PDIA5: variants seen among roughly 807,000 people sequenced by gnomAD.
PDIA5 encodes the protein protein disulfide isomerase family A member 5.
A neutral mutation model predicts 77.6 loss-of-function variants in PDIA5; 58 were observed. The ratio of observed to expected loss-of-function variants is 0.75; its 90% CI spans 0.61 to 0.93. The LOEUF (loss-of-function observed/expected upper bound fraction) is 0.93. Among genes scored for constraint, PDIA5 ranks in the 40% least tolerant of loss-of-function variants. The pLI, the probability that PDIA5 is intolerant of heterozygous loss-of-function variation, is 0.00. For missense variants in PDIA5, 630 were observed against 647.7 expected (o/e 0.97, Z 0.30); for synonymous variants, 250 against 252.1 (o/e 0.99, Z 0.08).
chr3:123,151,959 GCCTGCCTTCCTT>G (rs1351350875), intron 14 of PDIA5, among the ~76,000 whole-genome samples: 35 of 125,710 alleles, frequency 2.8e-4, no homozygotes, highest in Non-Finnish European at 4.2e-4. Flanking sequence ...CTTCCTTCCT[GCCTGCCTTCCTT>G]CCTGCCTTCC....
intron 2 of PDIA5, among the ~76,000 whole-genome samples, chr3:123,091,292 G>C (rs1934275958): frequency 6.6e-6 from 1 of 152,170 alleles, no homozygotes; most frequent in Non-Finnish European, 1.5e-5. Flanking sequence ...CACTAGAAAA[G>C]GCGATCTGCG....
chr3:123,067,274 T>C, intron 1 of PDIA5, 68 bp downstream of exon 1: 2 of 1,181,186 alleles, frequency 1.7e-6, no homozygotes, highest in Admixed American at 4.2e-5. Flanking sequence ...CTGCGCTCTC[T>C]GCTCCAGCCC....
intron 11 of PDIA5, among the ~76,000 whole-genome samples, chr3:123,142,720 G>A (rs80150198): frequency 2.0e-5 from 3 of 152,178 alleles, no homozygotes; most frequent in Non-Finnish European, 2.9e-5. Flanking sequence ...CCTCTGGGGG[G>A]GCCGAGCTCA....
intron 1 of PDIA5, among the ~76,000 whole-genome samples, chr3:123,076,906 A>G (rs1237600710): frequency 6.6e-6 from 1 of 152,176 alleles, no homozygotes; most frequent in Non-Finnish European, 1.5e-5. Flanking sequence ...AGGATAAGAA[A>G]ACCTGTTTTC....
chr3:123,135,449 C>A (rs775329514), intron 11 of PDIA5, among the ~76,000 whole-genome samples: 1 of 152,124 alleles, frequency 6.6e-6, no homozygotes, highest in Non-Finnish European at 1.5e-5. Context: ...TTGCCTACCC[C>A]CTGACTCATC....
At position 123,108,715 on chromosome 3, in the gene PDIA5, G is replaced by A. The variant is rs1198439248; in HGVS notation, c.480+1874G>A. Among the ~76,000 whole-genome samples, 6 of 151,638 alleles carry A rather than the reference G, an allele frequency of 4.0e-5. No homozygotes were observed. In the East Asian group the frequency reaches 5.9e-4, roughly 15 times the overall value. ...AGCCTGGCCAACATGGTGAAACTCCGTCTCTACTAAAGATAAAAAAATTAG... is the reference window on the plus strand; with the variant it reads ...AGCCTGGCCAACATGGTGAAACTCCATCTCTACTAAAGATAAAAAAATTAG... On this transcript the variant is annotated intron_variant, in intron 6 of 16. Coordinates refer to ENST00000316218, the MANE Select transcript of PDIA5 (RefSeq NM_006810.4).
At chr3:123,107,916 G>A (rs1381849362) in intron 6 of PDIA5, among the ~76,000 whole-genome samples, 3 of 151,902 alleles carry the variant, frequency 2.0e-5, no homozygotes, top group Non-Finnish European at 2.9e-5. Context: ...ATCCTGCTTC[G>A]ACCTCCTAAG....
At chr3:123,154,010 TGACTGGGAAAG>T (rs1436391129) in intron 14 of PDIA5, among the ~76,000 whole-genome samples, 1 of 151,946 alleles carries the variant, frequency 6.6e-6, no homozygotes, top group African/African-American at 2.4e-5. Flanking sequence ...TGTTCACCAG[TGACTGGGAAAG>T]GGCTGAGAGA....
In PDIA5 at chr3:123,161,389, G is replaced by C. The variant is rs1433476111; in HGVS notation, c.1413G>C (p.Lys471Asn). 1 of 1,614,180 alleles carries C rather than the reference G, an allele frequency of 6.2e-7. No homozygotes were observed. The change falls in exon 16 of 17, where the codon AAG (lysine) becomes AAC (asparagine). Residue 471 changes from lysine to asparagine, a missense_variant. Lys to Asn is a moderately conservative substitution (Grantham distance 94). Transcript: ENST00000316218. ...ACCTGTGCCAGCAGGAGGCGGTCAA[G>C]GGCTACCCCACTTTCCACTACTACC... The part of the protein sequence containing the change: ...NQDLCQQEAV[K>N]GYPTFHYYHY...
At chr3:123,104,240 T>A (rs941253710) in intron 5 of PDIA5, among the ~76,000 whole-genome samples, 1 of 151,982 alleles carries the variant, frequency 6.6e-6, no homozygotes, top group Non-Finnish European at 1.5e-5. Flanking sequence ...TCAGTTTCAG[T>A]TGGAGAGAGG....
chr3:123,112,103 C>T (rs898382646), intron 7 of PDIA5, among the ~76,000 whole-genome samples: 3 of 152,184 alleles, frequency 2.0e-5, no homozygotes, highest in African/African-American at 7.2e-5. Flanking sequence ...ACTGTCCGGG[C>T]ACCTCCACAG....
At chr3:123,148,437 T>G (rs1316243056) in intron 13 of PDIA5, among the ~76,000 whole-genome samples, 1 of 151,964 alleles carries the variant, frequency 6.6e-6, no homozygotes, top group Non-Finnish European at 1.5e-5. Context: ...GGCATGGTGG[T>G]GTGCGCCTAT....
chr3:123,154,841 C>A, intron 14 of PDIA5, 130 bp from the exon 15 acceptor site: 1 of 708,188 alleles, frequency 1.4e-6, no homozygotes, highest in Non-Finnish European at 2.6e-6. Context: ...ACAAAAGGAC[C>A]CTGACAGTGT....
intron 1 of PDIA5, among the ~76,000 whole-genome samples, chr3:123,088,076 G>C (rs970055189): frequency 6.6e-6 from 1 of 152,066 alleles, no homozygotes; most frequent in Admixed American, 6.6e-5. Context: ...TTTTCTGAGG[G>C]CCATCCTCCC....
Position 123,089,189 on chromosome 3 carries a change from T to A in PDIA5, c.64T>A (p.Ser22Thr). ...AIWVVLPSWL[S>T]SAKVSSLIER... is the part of the protein sequence containing the mutation. Reference sequence around the variant, plus strand: ...CCAGGTGGTCCTGCCATCATGGCTGTCCTCTGCAAAGGTCTCCTCGCTCAT... The same window carrying A: ...CCAGGTGGTCCTGCCATCATGGCTGACCTCTGCAAAGGTCTCCTCGCTCAT... The change falls in exon 2 of 17, where the codon TCC (serine) becomes ACC (threonine). Residue 22 changes from serine (S) to threonine (T), a missense_variant. Coordinates refer to ENST00000316218, the MANE Select transcript of PDIA5 (RefSeq NM_006810.4). The A allele has an allele frequency of 1.2e-6, 2 of 1,614,014 alleles. No individual in the cohort carries two copies. Among genetic ancestry groups the A allele is most frequent in the Non-Finnish European group, 1.7e-6 (2 of 1,179,908 alleles).
intron 10 of PDIA5, among the ~76,000 whole-genome samples, chr3:123,128,586 C>A (rs1293949629): frequency 6.6e-6 from 1 of 152,098 alleles, no homozygotes; most frequent in South Asian, 2.1e-4. Context: ...TAGCTCACTG[C>A]AGCTTTGAAC....
chr3:123,136,282 C>T (rs538568397), intron 11 of PDIA5, among the ~76,000 whole-genome samples: 30 of 152,316 alleles, frequency 2.0e-4, no homozygotes, highest in African/African-American at 6.7e-4. Flanking sequence ...ATATTAACAG[C>T]ATTCTTGTTA....
At chr3:123,151,762 G>GCCTGCCTGGCCTGCCTT (rs1935900501) in intron 14 of PDIA5, among the ~76,000 whole-genome samples, 1 of 121,702 alleles carries the variant, frequency 8.2e-6, no homozygotes, top group Non-Finnish European at 1.8e-5. Context: ...CTGCCTGCCT[G>GCCTGCCTGGCCTGCCTT]CCTGCCTGCC....
intron 5 of PDIA5, among the ~76,000 whole-genome samples, chr3:123,106,015 T>G (rs1444780708): frequency 2.0e-5 from 3 of 152,136 alleles, no homozygotes; most frequent in Non-Finnish European, 4.4e-5. Flanking sequence ...GAGATTTGAG[T>G]CATTGTACAC....
Sources: gnomAD v4.1 joint callset for allele counts (sites outside exome capture counted in the v4.1 genomes callset) on GRCh38, gnomAD v4.1.1 for gene constraint, MANE v1.5 for transcripts, NCBI Gene and HGNC (gene_info 2026-07-23, HGNC 2026-07-21) for gene names.